CPPED1: variants seen among roughly 807,000 people sequenced by gnomAD.
CPPED1 encodes the protein calcineurin like phosphoesterase domain containing 1, also known as serine/threonine-protein phosphatase CPPED1.
CPPED1 carries 28 observed loss-of-function variants against 28.0 expected under a neutral mutation model. The ratio of observed to expected loss-of-function variants is 1.00; its 90% CI spans 0.74 to 1.37. CPPED1 has a LOEUF of 1.37. Ranked by LOEUF, CPPED1 falls within the 40% of genes most tolerant of loss-of-function variation. CPPED1 has a pLI of 0.00. For synonymous variants in CPPED1, 198 were observed against 180.2 expected, an observed-to-expected ratio of 1.10 and a Z score of -0.79; for missense variants, 504 against 416.5, an observed-to-expected ratio of 1.21 and a Z score of -1.83.
chr16:12,714,180 C>G (rs1465141264), intron 2 of CPPED1, among the ~76,000 whole-genome samples: 1 of 152,200 alleles, frequency 6.6e-6, no homozygotes, highest in East Asian at 1.9e-4. Context: ...ATCCATTCAT[C>G]TACTGATGGA....
At chr16:12,736,941 G>A (rs1315928131) in intron 2 of CPPED1, among the ~76,000 whole-genome samples, 2 of 152,250 alleles carry the variant, frequency 1.3e-5, no homozygotes, top group African/African-American at 4.8e-5. Flanking sequence ...TGTAATCCCA[G>A]CACCTTGGGA....
chr16:12,712,613 T>G (rs891325376), intron 2 of CPPED1, among the ~76,000 whole-genome samples: 4 of 152,038 alleles, frequency 2.6e-5, no homozygotes, highest in Admixed American at 1.3e-4. Flanking sequence ...ATGAAGGAGA[T>G]CCGAATTTAG....
intron 2 of CPPED1, chr16:12,753,303 G>C (rs1438429010): frequency 6.6e-6 from 1 of 152,038 alleles, no homozygotes; most frequent in Non-Finnish European, 1.5e-5. Flanking sequence ...TTACTCTTTG[G>C]GTGAAATTGA....
At chr16:12,749,112 C>A (rs137913964) in intron 2 of CPPED1, among the ~76,000 whole-genome samples, 104 of 152,194 alleles carry the variant, frequency 6.8e-4, no homozygotes, top group African/African-American at 2.3e-3. Context: ...ATAAGACAAC[C>A]ATGAAGTTGT....
chr16:12,725,458 G>A (rs1052390770), intron 2 of CPPED1, among the ~76,000 whole-genome samples: 2 of 152,138 alleles, frequency 1.3e-5, no homozygotes, highest in Non-Finnish European at 2.9e-5. Flanking sequence ...TACAAGATAG[G>A]CTTTTATTTT....
chr16:12,763,019 G>C (rs1335481465), intron 2 of CPPED1, among the ~76,000 whole-genome samples: 1 of 152,020 alleles, frequency 6.6e-6, no homozygotes. Flanking sequence ...ACTTGAAGTT[G>C]GGAGTTCAAG....
intron 2 of CPPED1, among the ~76,000 whole-genome samples, chr16:12,765,674 A>C (rs2080434059): frequency 6.6e-6 from 1 of 152,244 alleles, no homozygotes; most frequent in African/African-American, 2.4e-5. Context: ...TTTTTCTACA[A>C]ACCAAATAAT....
chr16:12,669,190 AC>A (rs2079841464), intron 3 of CPPED1, among the ~76,000 whole-genome samples: 1 of 152,228 alleles, frequency 6.6e-6, no homozygotes, highest in Non-Finnish European at 1.5e-5. Flanking sequence ...ATGTAGATGC[AC>A]CTTAAAAATA....
At chr16:12,744,942 A>T (rs2080277754) in intron 2 of CPPED1, among the ~76,000 whole-genome samples, 1 of 152,190 alleles carries the variant, frequency 6.6e-6, no homozygotes, top group East Asian at 1.9e-4. Context: ...AGCTGAGATC[A>T]CACTACTGAA....
At chr16:12,726,708 C>T (rs1401436117) in intron 2 of CPPED1, among the ~76,000 whole-genome samples, 2 of 151,998 alleles carry the variant, frequency 1.3e-5, no homozygotes, top group Non-Finnish European at 2.9e-5. Context: ...ACTCGGGAGG[C>T]TGAGGTGGGA....
chr16:12,784,989 A>T (rs2141241114), intron 1 of CPPED1, among the ~76,000 whole-genome samples: 1 of 152,378 alleles, frequency 6.6e-6, no homozygotes, highest in African/African-American at 2.4e-5. Context: ...CTCACATATC[A>T]GTATTCAATC....
At chr16:12,674,128 G>C (rs1196211283) in intron 3 of CPPED1, among the ~76,000 whole-genome samples, 3 of 152,110 alleles carry the variant, frequency 2.0e-5, no homozygotes, top group Non-Finnish European at 1.5e-5. Flanking sequence ...TCTCCTTCTG[G>C]TAAAAGAGAG....
intron 3 of CPPED1, among the ~76,000 whole-genome samples, chr16:12,667,377 T>C (rs1017711987): frequency 1.3e-5 from 2 of 152,142 alleles, no homozygotes; most frequent in Admixed American, 6.6e-5. Flanking sequence ...TAGGCATAAA[T>C]TGAATGAGAA....
At chr16:12,785,979 T>C (rs890556200) in intron 1 of CPPED1, among the ~76,000 whole-genome samples, 2 of 151,898 alleles carry the variant, frequency 1.3e-5, no homozygotes, top group Non-Finnish European at 2.9e-5. Flanking sequence ...TCCAGTTTTT[T>C]CCCCCTACCT....
At chr16:12,770,955 T>C (rs1005828137) in intron 2 of CPPED1, among the ~76,000 whole-genome samples, 5 of 152,054 alleles carry the variant, frequency 3.3e-5, no homozygotes, top group African/African-American at 7.2e-5. Flanking sequence ...TTGACCACAG[T>C]GACCCCGAGG....
chr16:12,725,303 C>T (rs2080164187), intron 2 of CPPED1, among the ~76,000 whole-genome samples: 1 of 152,074 alleles, frequency 6.6e-6, no homozygotes. Flanking sequence ...CCATGTTGGC[C>T]AGGGTGGTCT....
Position 12,781,428 on chromosome 16 carries a change from GA to G in CPPED1, c.71-26del, listed in dbSNP as rs1387877243. 9 of 1,602,778 alleles carry G rather than the reference GA, an allele frequency of 5.6e-6. No individual in the cohort carries two copies. In the African/African-American group the frequency reaches 1.2e-4, roughly 21 times the overall value. On this transcript the variant is annotated intron_variant, in intron 1 of 3. Transcript: ENST00000381774. ...TCTTAAAAAAAGAGAGAGGGAGAAA[GA>G]AGGAGAAATCTTGTAAAATCTGTCA...
At chr16:12,781,468 C>A in intron 1 of CPPED1, 65 bp from the exon 2 acceptor site, 1 of 1,454,532 alleles carries the variant, frequency 6.9e-7, no homozygotes, top group Non-Finnish European at 9.5e-7. Flanking sequence ...AAGCAACCAG[C>A]TTCCCATGCA....
intron 3 of CPPED1, among the ~76,000 whole-genome samples, chr16:12,684,180 G>C (rs2079920755): frequency 6.6e-6 from 1 of 152,162 alleles, no homozygotes; most frequent in Non-Finnish European, 1.5e-5. Context: ...GGAACGCAGA[G>C]AAAATGCATC....
Sources: gnomAD v4.1 joint callset for allele counts (sites outside exome capture counted in the v4.1 genomes callset) on GRCh38, gnomAD v4.1.1 for gene constraint, MANE v1.5 for transcripts, NCBI Gene and HGNC (gene_info 2026-07-23, HGNC 2026-07-21) for gene names.